Variants in NCSTN observed in about 807,000 individuals in gnomAD.
The protein encoded by NCSTN is anterior pharynx-defective 2.
Under a neutral mutation model 87.0 loss-of-function variants are expected in NCSTN, and 22 were observed. The ratio of observed to expected loss-of-function variants is 0.25; its 90% CI spans 0.18 to 0.36. The LOEUF (loss-of-function observed/expected upper bound fraction) is 0.36. Ranked by LOEUF, NCSTN falls within the 10% of genes least tolerant of loss-of-function variation. NCSTN has a pLI of 1.00. For synonymous variants in NCSTN, 306 were observed against 327.1 expected (o/e 0.94, Z 0.69); for missense variants, 693 against 883.3 (o/e 0.78, Z 2.73).
chr1:160,348,998 G>A lies in NCSTN; in HGVS notation c.191-1G>A. 1 of 1,614,218 alleles carries A rather than the reference G, an allele frequency of 6.2e-7. No homozygotes were observed. The highest frequency in any genetic ancestry group is 1.7e-5 in the Admixed American group (1 of 60,030). On this transcript the variant is annotated splice_acceptor_variant, in intron 2 of 16. Transcript: ENST00000294785. LOFTEE classifies it high-confidence loss of function. The stretch of plus-strand genomic sequence containing the variant: ...TAATTTGACTCATTCTGTCCTGGCA[G>A]CTTCAATTAGTGGAGACACAGGGGT...
In NCSTN at chr1:160,358,554, C is replaced by T. The variant is rs1260763614; in HGVS notation, c.*283C>T. On this transcript the variant is annotated 3_prime_UTR_variant, in exon 17 of 17. Transcript: ENST00000294785. The stretch of plus-strand genomic sequence containing the variant: ...GAAGCTTCTTGCTCCTGTTTAACTC[C>T]CTAGTTACCCACCCTAATTTGCCCT... 2.2e-6 allele frequency: 1 copy of T among 463,608 alleles called. No homozygotes were observed. The highest frequency in any genetic ancestry group is 2.1e-5 in the South Asian group (1 of 48,236). 28.7% of individuals were successfully genotyped at this position (463,608 alleles called of 1,614,324 possible). A position where few individuals can be genotyped will look rare whatever the true frequency, so the allele number is the denominator to read the frequency against.
intron 3 of NCSTN, 96 bp from the exon 4 acceptor site, chr1:160,349,453 T>A: frequency 6.7e-7 from 1 of 1,489,980 alleles, no homozygotes. Context: ...ACAGTTTGAT[T>A]CCCCTAGTTC....
At chr1:160,351,628 C>T (rs1648842857) in intron 6 of NCSTN, 68 bp from the exon 7 acceptor site, 56 of 1,425,258 alleles carry the variant, frequency 3.9e-5, no homozygotes, top group Non-Finnish European at 5.5e-5. Context: ...CAGAGATTTC[C>T]AATGTTGCCT....
At chr1:160,346,632 GTCTCGCCC>G (rs971171389) in intron 2 of NCSTN, among the ~76,000 whole-genome samples, 1 of 150,450 alleles carries the variant, frequency 6.6e-6, no homozygotes, top group Non-Finnish European at 1.5e-5. Flanking sequence ...TTGAGATGCA[GTCTCGCCC>G]TCTCGCCCAG....
intron 2 of NCSTN, among the ~76,000 whole-genome samples, chr1:160,347,518 CA>C (rs1295488444): frequency 6.6e-6 from 1 of 152,174 alleles, no homozygotes; most frequent in Non-Finnish European, 1.5e-5. Flanking sequence ...CTTAAGACTA[CA>C]CCATTACTAG....
chr1:160,357,503 T>C (rs771163083), intron 16 of NCSTN, among the ~76,000 whole-genome samples: 36 of 152,224 alleles, frequency 2.4e-4, no homozygotes, highest in Non-Finnish European at 2.6e-4. Context: ...CCCTTGGGTT[T>C]AAGCAGTTCT....
At chr1:160,349,219 C>T in intron 3 of NCSTN, 97 bp downstream of exon 3, 1 of 1,523,334 alleles carries the variant, frequency 6.6e-7, no homozygotes, top group Admixed American at 1.8e-5. Context: ...CTTGGCTGCC[C>T]TGGTCTGGTC....
intron 6 of NCSTN, 148 bp from the exon 7 acceptor site, chr1:160,351,548 T>C (rs995459557): frequency 7.3e-6 from 9 of 1,233,568 alleles, no homozygotes; most frequent in African/African-American, 3.0e-5. Context: ...CTAAAGTGGA[T>C]AGTGGCAGAG....
chr1:160,344,509 A>G, intron 1 of NCSTN: 1 of 1,546,980 alleles, frequency 6.5e-7, no homozygotes, highest in Non-Finnish European at 8.7e-7. Flanking sequence ...GGACTTTGTA[A>G]TAACCCTTTG....
rs149307485 is a variant in NCSTN, at chr1:160,345,180, G to A, written c.190+354G>A. 2.0e-3 allele frequency: 714 copies of A among 358,754 alleles called. 6 individuals carry two copies. The highest frequency in any genetic ancestry group is 0.013 in the African/African-American group (638 of 47,356). 22.2% of individuals were successfully genotyped at this position (358,754 alleles called of 1,614,324 possible). ...TGATGATGCCAGGATCTGGTGGCCC[G>A]AGCACTAAGCTGAGAGACCTTTTTT... On this transcript the variant is annotated intron_variant, in intron 2 of 16. Coordinates refer to ENST00000294785, the MANE Select transcript of NCSTN (RefSeq NM_015331.3).
chr1:160,346,176 T>C (rs1648478183), intron 2 of NCSTN, among the ~76,000 whole-genome samples: 1 of 152,168 alleles, frequency 6.6e-6, no homozygotes, highest in Non-Finnish European at 1.5e-5. Flanking sequence ...TCAGATTTTG[T>C]TTCCCATGGA....
At chr1:160,351,911 A>G in intron 7 of NCSTN, 106 bp downstream of exon 7, 1 of 1,464,680 alleles carries the variant, frequency 6.8e-7, no homozygotes, top group Non-Finnish European at 9.6e-7. Flanking sequence ...GGAAGCCTCA[A>G]ATGGGGAGGA....
At chr1:160,353,463 T>C in intron 10 of NCSTN, 1 of 1,428,812 alleles carries the variant, frequency 7.0e-7, no homozygotes, top group East Asian at 2.7e-5. Flanking sequence ...TCTCTGATCA[T>C]TTGTTGCCTA....
In NCSTN at chr1:160,343,413, G is replaced by T. The variant is rs1243549103; in HGVS notation, c.17G>T (p.Gly6Val). The T allele has an allele frequency of 1.2e-6, 2 of 1,612,902 alleles. No homozygotes were observed. Among genetic ancestry groups the T allele is most frequent in the Admixed American group, 1.7e-5 (1 of 59,938 alleles). Reference sequence around the variant, plus strand: ...AGAGGCAAGATGGCTACGGCAGGGGGTGGCTCTGGGGCTGACCCGGGAAGT... The same window carrying T: ...AGAGGCAAGATGGCTACGGCAGGGGTTGGCTCTGGGGCTGACCCGGGAAGT... MATAG[G>V]GSGADPGSRG... is the part of the protein sequence containing the mutation. Residue 6 changes from glycine (G) to valine (V), a missense_variant, in exon 1 of 17, where the codon GGT becomes GTT. By Grantham distance (109) the Gly-to-Val change is moderately radical. Coordinates refer to ENST00000294785, the MANE Select transcript of NCSTN (RefSeq NM_015331.3).
chr1:160,349,769 G>C (rs1488634714), intron 4 of NCSTN, 99 bp downstream of exon 4: 1 of 1,512,138 alleles, frequency 6.6e-7, no homozygotes, highest in South Asian at 1.1e-5. Context: ...GTTTGTGTCT[G>C]TGTGTAGTGT....
chr1:160,348,330 G>C (rs780829429), intron 2 of NCSTN, among the ~76,000 whole-genome samples: 1 of 152,186 alleles, frequency 6.6e-6, no homozygotes, highest in Non-Finnish European at 1.5e-5. Context: ...TAGAGAAATG[G>C]GTGATATTTT....
chr1:160,351,906 C>A, intron 7 of NCSTN, 101 bp downstream of exon 7: 1 of 1,468,490 alleles, frequency 6.8e-7, no homozygotes, highest in Non-Finnish European at 9.5e-7. Flanking sequence ...AATTGGGAAG[C>A]CTCAAATGGG....
intron 15 of NCSTN, 98 bp from the exon 16 acceptor site, chr1:160,356,943 T>C (rs1649161035): frequency 1.4e-6 from 2 of 1,381,542 alleles, no homozygotes; most frequent in Non-Finnish European, 2.1e-6. Flanking sequence ...AGCAGCCAGT[T>C]AGCTCAATTG....
intron 14 of NCSTN, 62 bp from the exon 15 acceptor site, chr1:160,356,538 C>G: frequency 6.2e-7 from 1 of 1,601,960 alleles, no homozygotes; most frequent in Non-Finnish European, 8.6e-7. Context: ...CAATCTTGGG[C>G]TTTTCCTATT....
Sources: gnomAD v4.1 joint callset for allele counts (sites outside exome capture counted in the v4.1 genomes callset) on GRCh38, gnomAD v4.1.1 for gene constraint, MANE v1.5 for transcripts, NCBI Gene and HGNC (gene_info 2026-07-23, HGNC 2026-07-21) for gene names.